The following DUSP29 variants were observed in gnomAD, a reference collection of about 807,000 sequenced individuals.
DUSP29 encodes dual specificity phosphatase 29, also known as atypical dual-specific protein phosphatase.
A neutral mutation model predicts 13.5 loss-of-function variants in DUSP29; 12 were observed. The ratio of observed to expected loss-of-function variants is 0.89; its 90% CI spans 0.57 to 1.44. The LOEUF is 1.44. Ranked by LOEUF, DUSP29 falls within the 40% of genes most tolerant of loss-of-function variation. DUSP29 has a pLI of 0.00. For synonymous variants in DUSP29, 134 were observed against 128.7 expected (o/e 1.04, Z -0.28); for missense variants, 308 against 301.1 (o/e 1.02, Z -0.17).
intron 3 of DUSP29, 64 bp downstream of exon 3, chr10:75,043,733 C>CGGGCGGGGCG (rs1214767824): frequency 3.3e-6 from 4 of 1,209,010 alleles, no homozygotes; most frequent in African/African-American, 3.2e-5. Flanking sequence ...GCCTAAGCTA[C>CGGGCGGGGCG]GGGCGGGGCG....
chr10:75,051,443 A>G (rs1399171930), intron 2 of DUSP29, among the ~76,000 whole-genome samples: 1 of 152,270 alleles, frequency 6.6e-6, no homozygotes, highest in East Asian at 1.9e-4. Context: ...ACCAGTGTTC[A>G]GTCCAGACAC....
chr10:75,072,818 C>T (rs1847361525), intron 1 of DUSP29, among the ~76,000 whole-genome samples: 2 of 152,070 alleles, frequency 1.3e-5, no homozygotes, highest in Non-Finnish European at 2.9e-5. Flanking sequence ...GAAGGGACCC[C>T]TGGGGTCACA....
chr10:75,073,523 G>A (rs545473177), intron 1 of DUSP29, among the ~76,000 whole-genome samples, 46 bp downstream of exon 1: 5 of 152,342 alleles, frequency 3.3e-5, no homozygotes, highest in South Asian at 4.1e-4. Context: ...CAAAGAACAC[G>A]TGGGTGAACC....
intron 1 of DUSP29, among the ~76,000 whole-genome samples, chr10:75,067,030 T>C (rs1005836193): frequency 3.3e-5 from 5 of 149,956 alleles, no homozygotes; most frequent in Admixed American, 1.3e-4. Context: ...CAATCTCAGC[T>C]CACTGCAACC....
intron 1 of DUSP29, among the ~76,000 whole-genome samples, chr10:75,064,826 C>G (rs1369894720): frequency 6.6e-6 from 1 of 150,938 alleles, no homozygotes; most frequent in African/African-American, 2.4e-5. Context: ...TTTTTTTTAA[C>G]TAGGAAAAAA....
chr10:75,038,922 G>A (rs1846528566), intron 3 of DUSP29, among the ~76,000 whole-genome samples: 1 of 152,122 alleles, frequency 6.6e-6, no homozygotes, highest in African/African-American at 2.4e-5. Context: ...AGTTCAAGCT[G>A]GGTGAATGCA....
chr10:75,061,015 T>A (rs1006099145), intron 1 of DUSP29, among the ~76,000 whole-genome samples: 1 of 152,186 alleles, frequency 6.6e-6, no homozygotes, highest in Non-Finnish European at 1.5e-5. Flanking sequence ...TGATTGGGGC[T>A]GGATGATGGT....
At chr10:75,044,295 C>T (rs530447377) in intron 2 of DUSP29, among the ~76,000 whole-genome samples, 2 of 152,200 alleles carry the variant, frequency 1.3e-5, no homozygotes, top group African/African-American at 2.4e-5. Context: ...ATTCAGTATA[C>T]ACAGCGGAAC....
chr10:75,062,439 G>A (rs1195891375), intron 1 of DUSP29, among the ~76,000 whole-genome samples: 3 of 152,170 alleles, frequency 2.0e-5, no homozygotes, highest in African/African-American at 7.2e-5. Context: ...TCATTACACT[G>A]TGGAGGGAAC....
rs1847124131 is a variant in DUSP29 at position 75,063,025 on chromosome 10, C to T, written c.-34-4477G>A. Reference sequence around the variant, plus strand: ...AACTCAGGCTCCTTCAGGGAGGGGCCAGGCAGATAACATAGAGGAAGGAAG... The same window carrying T: ...AACTCAGGCTCCTTCAGGGAGGGGCTAGGCAGATAACATAGAGGAAGGAAG... On this transcript the variant is annotated intron_variant, in intron 1 of 3. Transcript: ENST00000338487. Among the ~76,000 whole-genome samples, 6 of 152,202 alleles carry T rather than the reference C, an allele frequency of 3.9e-5. No homozygotes were observed. The South Asian group carries it at 1.2e-3, about 32-fold the overall frequency.
In DUSP29 at chr10:75,072,736, C is replaced by T. The variant is rs556972625; in HGVS notation, c.-35+833G>A. The stretch of plus-strand genomic sequence containing the variant: ...TCCTCCTCGTGCCCTTCCTCCTGTT[C>T]GCTGGAGCATTTTCCGCTTTCCCGA... On this transcript the variant is annotated intron_variant, in intron 1 of 3. Transcript: ENST00000338487. Among the ~76,000 whole-genome samples the T allele has an allele frequency of 3.3e-3, 498 of 152,094 alleles. 2 individuals carry two copies. The highest frequency in any genetic ancestry group is 0.011 in the African/African-American group (455 of 41,462).
chr10:75,047,432 G>A (rs565217813), intron 2 of DUSP29, among the ~76,000 whole-genome samples: 25 of 152,306 alleles, frequency 1.6e-4, no homozygotes, highest in Admixed American at 8.5e-4. Context: ...TCAGAGGGTG[G>A]TGTCTGACAC....
chr10:75,061,896 G>A (rs1382752237), intron 1 of DUSP29, among the ~76,000 whole-genome samples: 3 of 152,234 alleles, frequency 2.0e-5, no homozygotes, highest in Admixed American at 6.5e-5. Context: ...ATTAAGGGCT[G>A]TGAGGCCTGT....
At chr10:75,043,721 G>A in intron 3 of DUSP29, 76 bp downstream of exon 3, 2 of 1,336,104 alleles carry the variant, frequency 1.5e-6, no homozygotes, top group Non-Finnish European at 2.0e-6. Context: ...GGAAGGGGCG[G>A]GGCCTAAGCT....
chr10:75,065,160 TAAAC>T (rs892300198), intron 1 of DUSP29, among the ~76,000 whole-genome samples: 27 of 152,128 alleles, frequency 1.8e-4, no homozygotes, highest in African/African-American at 6.5e-4. Flanking sequence ...AAATGCTTTT[TAAAC>T]AAACAAACAA....
rs1373099087 is a variant in DUSP29 at position 75,037,617 on chromosome 10, G to A, written c.*219C>T. Among the ~76,000 whole-genome samples the A allele has an allele frequency of 6.6e-6, 1 of 152,130 alleles. No individual in the cohort carries two copies. The highest frequency in any genetic ancestry group is 1.5e-5 in the Non-Finnish European group (1 of 67,998). On this transcript the variant is annotated 3_prime_UTR_variant, in exon 4 of 4. Transcript: ENST00000338487. ...CTCCTCTGTGACCCAGAGCCGGGGAGCCCGTCCCTCCCATTTTGCTGAGAG... is the reference window on the plus strand; with the variant it reads ...CTCCTCTGTGACCCAGAGCCGGGGAACCCGTCCCTCCCATTTTGCTGAGAG...
chr10:75,053,104 G>A (rs114675814), intron 2 of DUSP29, among the ~76,000 whole-genome samples: 1,557 of 152,350 alleles, frequency 0.01, 32 homozygotes, highest in African/African-American at 0.036. Context: ...GGACTGCATT[G>A]TGAGTGAGAA....
intron 2 of DUSP29, among the ~76,000 whole-genome samples, chr10:75,051,417 C>T (rs1348478744): frequency 6.6e-6 from 1 of 152,136 alleles, no homozygotes; most frequent in African/African-American, 2.4e-5. Context: ...AGTGACTTGC[C>T]CAAGGCCACA....
rs1163559205 is a variant in DUSP29 at position 75,056,666 on chromosome 10, C to CA, written c.200+1648dup. Among the ~76,000 whole-genome samples, 847 of 125,054 alleles carry CA rather than the reference C, an allele frequency of 6.8e-3. 6 individuals are homozygous for CA. The highest frequency in any genetic ancestry group is 0.019 in the African/African-American group (623 of 33,668). The allele number at this position is 125,054 out of a possible 152,430, so 82.0% of individuals were successfully genotyped here. A position where few individuals can be genotyped will look rare whatever the true frequency, so the allele number is the denominator to read the frequency against. On this transcript the variant is annotated intron_variant, in intron 2 of 3. Transcript: ENST00000338487. ...TGGGTGACAGAGGGAGACTCCATCT[C>CA]AAAAAAAAAAAAAAGTAAACCCTTT... is the stretch of plus-strand genomic sequence containing the variant.
Sources: gnomAD v4.1 joint callset for allele counts (sites outside exome capture counted in the v4.1 genomes callset) on GRCh38, gnomAD v4.1.1 for gene constraint, MANE v1.5 for transcripts, NCBI Gene and HGNC (gene_info 2026-07-23, HGNC 2026-07-21) for gene names.